ZNF333: variants seen among roughly 807,000 people sequenced by gnomAD.
The protein encoded by ZNF333 is zinc finger protein 333.
Under a neutral mutation model 76.1 loss-of-function variants are expected in ZNF333, and 61 were observed. The ratio of observed to expected loss-of-function variants is 0.80; its 90% confidence interval spans 0.65 to 0.99. The LOEUF (loss-of-function observed/expected upper bound fraction) is 0.99, where lower values mean the gene tolerates loss of function less well. ZNF333 is among the 50% of genes least tolerant of loss of function. ZNF333 has a pLI of 0.00. For synonymous variants in ZNF333, 284 were observed against 305.0 expected (o/e 0.93, Z 0.72); for missense variants, 717 against 822.4 (o/e 0.87, Z 1.57).
At chr19:14,697,418 G>A (rs545761237) in intron 4 of ZNF333, among the ~76,000 whole-genome samples, 18 of 141,456 alleles carry the variant, frequency 1.3e-4, no homozygotes, top group Admixed American at 2.2e-4. Context: ...CTGGAGTGCA[G>A]TGGTGCAATC....
Position 14,718,602 on chromosome 19 carries a change from T to G in ZNF333, c.1275T>G (p.Ser425Arg). The G allele has an allele frequency of 6.2e-7, 1 of 1,613,678 alleles. No homozygotes were observed. The highest frequency in any genetic ancestry group is 8.5e-7 in the Non-Finnish European group (1 of 1,179,972). Residue 425 changes from serine to arginine, a missense_variant, in exon 12 of 12, where the codon AGT (serine) becomes AGG (arginine). Physicochemically the swap from Ser to Arg is moderately radical, Grantham distance 110 (BLOSUM62 -1). Coordinates refer to ENST00000292530, the MANE Select transcript of ZNF333 (RefSeq NM_032433.4). ...CCGGAGAGAAGCCATTTGAATGTAG[T>G]CAGTGTGGGAAAACCTTCACGAGGA... ...THTGEKPFECSQCGKTFTRNF... is the reference protein window; with the variant it reads ...THTGEKPFECRQCGKTFTRNF...
At chr19:14,691,674 G>GTGT (rs1568516298) in intron 1 of ZNF333, among the ~76,000 whole-genome samples, 1 of 97,520 alleles carries the variant, frequency 1.0e-5, no homozygotes, top group African/African-American at 4.6e-5. Context: ...GTGTCATATT[G>GTGT]TCTTTTTTTT....
rs750586950 is a variant in ZNF333, at chr19:14,705,141, C to T, written c.394C>T (p.Gln132Ter). The T allele has an allele frequency of 1.2e-6, 2 of 1,613,754 alleles. No individual in the cohort carries two copies. Among genetic ancestry groups the T allele is most frequent in the Non-Finnish European group, 1.7e-6 (2 of 1,179,934 alleles). ...GACTCGAGAGGACCGGCCAGCTCTC[C>T]AGGAGCCGCCTTGGTCTCTGGGATG... ...PLTREDRPAL[Q>*]EPPWSLGCTG... Residue 132 changes from glutamine to a stop codon, truncating the protein, a stop_gained, in exon 6 of 12, where the codon CAG becomes TAG. Transcript: ENST00000292530. LOFTEE classifies it high-confidence loss of function.
intron 4 of ZNF333, among the ~76,000 whole-genome samples, chr19:14,698,973 T>C (rs1311989496): frequency 6.7e-6 from 1 of 150,122 alleles, no homozygotes; most frequent in Admixed American, 6.6e-5. Flanking sequence ...CCACTATTTC[T>C]TTTTGAAAGG....
At position 14,720,627 on chromosome 19, in the gene ZNF333, A is replaced by G. The variant is rs2042565996; in HGVS notation, c.*1302A>G. The G allele has an allele frequency of 1.0e-6, 1 of 985,262 alleles. No homozygotes were observed. Among genetic ancestry groups the G allele is most frequent in the Non-Finnish European group, 1.2e-6 (1 of 829,926 alleles). 61.0% of individuals were successfully genotyped at this position (985,262 alleles called of 1,614,324 possible). On this transcript the variant is annotated 3_prime_UTR_variant, in exon 12 of 12. Coordinates refer to ENST00000292530, the MANE Select transcript of ZNF333 (RefSeq NM_032433.4). ...TTTGTTTGTTTTTGTTTTTGGTGGG[A>G]GGTTTATTTCACCTGAATATAATTC...
chr19:14,692,624 G>T lies in ZNF333; in HGVS notation c.-41-827G>T, dbSNP rs369391120. Among the ~76,000 whole-genome samples, 184 of 152,106 alleles carry T rather than the reference G, an allele frequency of 1.2e-3. 7 individuals carry two copies. In the South Asian group the frequency reaches 0.037, roughly 31 times the overall value. ...ACCTCCCGGGTTCCAGCGATTTTCT[G>T]GCCTCAGCTTCCTGAGTAGCTGGGA... On this transcript the variant is annotated intron_variant, in intron 1 of 11. Transcript: ENST00000292530.
intron 11 of ZNF333, among the ~76,000 whole-genome samples, chr19:14,729,754 A>G (rs996314004): frequency 6.6e-6 from 1 of 152,192 alleles, no homozygotes; most frequent in Admixed American, 6.5e-5. Flanking sequence ...AAATGCTAAG[A>G]GAGTGGATGT....
intron 7 of ZNF333, among the ~76,000 whole-genome samples, chr19:14,711,013 C>CT (rs1307495119): frequency 6.6e-6 from 1 of 151,996 alleles, no homozygotes; most frequent in Admixed American, 6.5e-5. Context: ...GTGCCAGGCT[C>CT]TTTTTAACAA....
rs2147030953 is a variant in ZNF333 at position 14,720,675 on chromosome 19, G to A, written c.*1350G>A. 2.0e-6 allele frequency: 2 copies of A among 985,316 alleles called. No homozygotes were observed. The highest frequency in any genetic ancestry group is 5.2e-4 in the Middle Eastern group (1 of 1,914). The allele number at this position is 985,316 out of a possible 1,614,324, so 61.0% of individuals were successfully genotyped here. Reference sequence around the variant, plus strand: ...TTCCTAACTGATGCACTTAGTATATGTCAGTTTTTATAAATGCTTCATGGA... The same window carrying A: ...TTCCTAACTGATGCACTTAGTATATATCAGTTTTTATAAATGCTTCATGGA... On this transcript the variant is annotated 3_prime_UTR_variant, in exon 12 of 12. Coordinates refer to ENST00000292530, the MANE Select transcript of ZNF333 (RefSeq NM_032433.4).
exon 12 of ZNF333, chr19:14,731,834 CATAA>C (rs748394797): frequency 2.6e-5 from 4 of 152,100 alleles, no homozygotes; most frequent in East Asian, 1.9e-4. Context: ...TTATTTCCAT[CATAA>C]ATAAAGAGAA....
intron 1 of ZNF333, among the ~76,000 whole-genome samples, chr19:14,691,193 A>G (rs1972748234): frequency 6.6e-6 from 1 of 152,100 alleles, no homozygotes; most frequent in Non-Finnish European, 1.5e-5. Context: ...TGCTGTGGGC[A>G]TCAAGTTTCT....
chr19:14,701,678 A>G lies in ZNF333; in HGVS notation c.306+2397A>G. ...TCTGTGGGCTCTCTCCTTTCAGTAC[A>G]GGGCTCCAGTGCCCTCCACAGAACT... On this transcript the variant is annotated intron_variant, in intron 5 of 11. Transcript: ENST00000292530. 3.0e-6 allele frequency: 3 copies of G among 985,446 alleles called. No homozygotes were observed. The South Asian group carries it at 1.4e-4, about 46-fold the overall frequency. 61.0% of individuals were successfully genotyped at this position (985,446 alleles called of 1,614,324 possible).
Position 14,707,797 on chromosome 19 carries a change from C to T in ZNF333, c.511+1024C>T, listed in dbSNP as rs570218131. 1,013 of 321,846 alleles carry T rather than the reference C, an allele frequency of 3.1e-3. 6 individuals carry two copies. The Middle Eastern group carries it at 0.034, about 11-fold the overall frequency. The allele number at this position is 321,846 out of a possible 1,614,324, so 19.9% of individuals were successfully genotyped here. A position where few individuals can be genotyped will look rare whatever the true frequency, so the allele number is the denominator to read the frequency against. On this transcript the variant is annotated intron_variant, in intron 7 of 11. Coordinates refer to ENST00000292530, the MANE Select transcript of ZNF333 (RefSeq NM_032433.4). ...CGATCTCCTGACCTCGTGATCCGCC[C>T]GCCTCGGCCTCCCAAAGTGCTGGGA...
intron 5 of ZNF333, among the ~76,000 whole-genome samples, chr19:14,702,145 C>T (rs2041975584): frequency 6.6e-6 from 1 of 152,136 alleles, no homozygotes; most frequent in Admixed American, 6.6e-5. Flanking sequence ...GATTGAGTCC[C>T]CATGGCCTCC....
chr19:14,715,243 ATG>A (rs943027439), intron 7 of ZNF333, 137 bp from the exon 8 acceptor site: 1 of 661,178 alleles, frequency 1.5e-6, no homozygotes, highest in South Asian at 1.8e-5. Context: ...ATGTGTCTGC[ATG>A]TGTGTGTCCC....
intron 5 of ZNF333, among the ~76,000 whole-genome samples, chr19:14,702,290 G>A (rs2041979212): frequency 6.6e-6 from 1 of 152,214 alleles, no homozygotes; most frequent in African/African-American, 2.4e-5. Context: ...TGAGGTGGGA[G>A]GACCACTGGA....
chr19:14,718,706 A>G lies in ZNF333; in HGVS notation c.1379A>G (p.Asn460Ser), dbSNP rs1166675099. 2 of 1,613,888 alleles carry G rather than the reference A, an allele frequency of 1.2e-6. No homozygotes were observed. Among genetic ancestry groups the G allele is most frequent in the South Asian group, 1.1e-5 (1 of 91,064 alleles). Residue 460 changes from asparagine to serine, a missense_variant, in exon 12 of 12, where the codon AAT becomes AGT. Asn to Ser is a conservative substitution (Grantham distance 46). Coordinates refer to ENST00000292530, the MANE Select transcript of ZNF333 (RefSeq NM_032433.4). ...YECKDCGKAF[N>S]QPSSLRSHVR... The stretch of plus-strand genomic sequence containing the variant: ...TGTAAAGATTGTGGGAAAGCCTTCA[A>G]TCAGCCATCATCCCTCAGGAGCCAC...
chr19:14,704,984 A>T, intron 5 of ZNF333, 70 bp from the exon 6 acceptor site: 1 of 1,485,342 alleles, frequency 6.7e-7, no homozygotes, highest in Non-Finnish European at 9.3e-7. Context: ...CCCAAACCAA[A>T]GGTCTCTCGG....
At chr19:14,727,497 G>A (rs1338354807) in intron 11 of ZNF333, among the ~76,000 whole-genome samples, 10 of 152,098 alleles carry the variant, frequency 6.6e-5, no homozygotes, top group Non-Finnish European at 1.3e-4. Context: ...GAGTAGAGAC[G>A]TTCCATACTC....
Sources: gnomAD v4.1 joint callset for allele counts (sites outside exome capture counted in the v4.1 genomes callset) on GRCh38, gnomAD v4.1.1 for gene constraint, MANE v1.5 for transcripts, NCBI Gene and HGNC (gene_info 2026-07-23, HGNC 2026-07-21) for gene names.